Variants in NEGR1 observed in about 807,000 individuals in gnomAD.
NEGR1 encodes IgLON family member 4.
A neutral mutation model predicts 40.9 loss-of-function variants in NEGR1; 10 were observed. The ratio of observed to expected loss-of-function variants is 0.24; its 90% CI spans 0.15 to 0.42. The LOEUF (loss-of-function observed/expected upper bound fraction) is 0.42. Among genes scored for constraint, NEGR1 ranks in the 10% least tolerant of loss-of-function variants. The pLI is 1.00. For synonymous variants in NEGR1, 185 were observed against 166.8 expected (o/e 1.11, Z -0.84); for missense variants, 352 against 438.9 (o/e 0.80, Z 1.77).
At chr1:72,156,584 AC>A (rs1407196962) in intron 1 of NEGR1, among the ~76,000 whole-genome samples, 3 of 152,176 alleles carry the variant, frequency 2.0e-5, no homozygotes, top group African/African-American at 7.2e-5. Flanking sequence ...ATGCAAAGTT[AC>A]ATCTGTATTG....
chr1:71,398,823 A>T lies in NEGR1; in HGVS notation c.*8623T>A, dbSNP rs1646228343. ...TTGTGGGAGGGACTTGGTGGGAGGT[A>T]ATTGAATCATGGGAGCAGGTCTTTC... On this transcript the variant is annotated 3_prime_UTR_variant, in exon 7 of 7. Transcript: ENST00000357731. 6.6e-6 allele frequency: 1 copy of T among 152,112 alleles called. No individual in the cohort carries two copies. The highest frequency in any genetic ancestry group is 1.5e-5 in the Non-Finnish European group (1 of 68,026). The allele number at this position is 152,112 out of a possible 1,614,324, so 9.4% of individuals were successfully genotyped here. A position where few individuals can be genotyped will look rare whatever the true frequency, so the allele number is the denominator to read the frequency against.
intron 1 of NEGR1, among the ~76,000 whole-genome samples, chr1:72,241,837 A>T (rs1654754465): frequency 6.6e-6 from 1 of 151,774 alleles, no homozygotes; most frequent in South Asian, 2.1e-4. Context: ...TTTAGATTTT[A>T]TATTAATACT....
chr1:72,137,918 C>G (rs1460920039), intron 1 of NEGR1, among the ~76,000 whole-genome samples: 3 of 151,978 alleles, frequency 2.0e-5, no homozygotes, highest in Non-Finnish European at 4.4e-5. Flanking sequence ...CTTTAAAATA[C>G]TGACAGAAAA....
At chr1:72,266,909 A>G (rs1655665609) in intron 1 of NEGR1, among the ~76,000 whole-genome samples, 1 of 151,002 alleles carries the variant, frequency 6.6e-6, no homozygotes, top group African/African-American at 2.4e-5. Flanking sequence ...AAAAAGTCCT[A>G]TCTGAAATAA....
At chr1:71,511,787 C>G (rs1161208056) in intron 6 of NEGR1, among the ~76,000 whole-genome samples, 1 of 152,150 alleles carries the variant, frequency 6.6e-6, no homozygotes, top group Non-Finnish European at 1.5e-5. Context: ...TAAAGACACA[C>G]AAAGTCAATA....
intron 6 of NEGR1, among the ~76,000 whole-genome samples, chr1:71,416,191 G>T (rs1036976855): frequency 6.6e-6 from 1 of 152,118 alleles, no homozygotes; most frequent in African/African-American, 2.4e-5. Context: ...AAACATTTTT[G>T]CAAGTTGAAT....
intron 3 of NEGR1, among the ~76,000 whole-genome samples, chr1:71,769,266 A>G (rs1656235581): frequency 6.6e-6 from 1 of 152,098 alleles, no homozygotes; most frequent in Non-Finnish European, 1.5e-5. Context: ...AGCCTCATGT[A>G]TACTTGTCGA....
intron 4 of NEGR1, among the ~76,000 whole-genome samples, chr1:71,687,127 A>G (rs1289732824): frequency 1.3e-5 from 2 of 152,228 alleles, no homozygotes; most frequent in Admixed American, 6.5e-5. Flanking sequence ...TTAGGCTACG[A>G]TGTCTCATAT....
rs984415610 is a variant in NEGR1 at position 71,400,904 on chromosome 1, G to A, written c.*6542C>T. On this transcript the variant is annotated 3_prime_UTR_variant, in exon 7 of 7. Coordinates refer to ENST00000357731, the MANE Select transcript of NEGR1 (RefSeq NM_173808.3). ...AAAACTTAGCCAGGTGTGGTGGCAC[G>A]TGCCTATAATCCCAGCTACTGGGGA... is the stretch of plus-strand genomic sequence containing the variant. 5 of 152,258 alleles carry A rather than the reference G, an allele frequency of 3.3e-5. No homozygotes were observed. Among genetic ancestry groups the A allele is most frequent in the African/African-American group, 9.7e-5 (4 of 41,392 alleles). 9.4% of individuals were successfully genotyped at this position (152,258 alleles called of 1,614,324 possible).
intron 1 of NEGR1, among the ~76,000 whole-genome samples, chr1:72,196,759 C>T (rs1653013563): frequency 8.0e-6 from 1 of 125,742 alleles, no homozygotes; most frequent in South Asian, 2.5e-4. Context: ...AGAGAGACTC[C>T]ATTAAAAAAA....
intron 1 of NEGR1, among the ~76,000 whole-genome samples, chr1:72,254,220 T>G (rs367828995): frequency 6.6e-6 from 1 of 152,228 alleles, no homozygotes; most frequent in South Asian, 2.1e-4. Context: ...TTCGTAGGTG[T>G]ATTTATGGCT....
chr1:71,839,370 A>C (rs1659156757), intron 2 of NEGR1, among the ~76,000 whole-genome samples: 1 of 151,260 alleles, frequency 6.6e-6, no homozygotes, highest in African/African-American at 2.4e-5. Flanking sequence ...CATCCAGCTA[A>C]TTGTTGTATT....
intron 1 of NEGR1, among the ~76,000 whole-genome samples, chr1:72,204,118 CA>C (rs1455502792): frequency 1.3e-5 from 2 of 151,996 alleles, no homozygotes; most frequent in Non-Finnish European, 2.9e-5. Flanking sequence ...AATGTTTCAA[CA>C]AGAACCAAAA....
intron 6 of NEGR1, among the ~76,000 whole-genome samples, chr1:71,434,817 C>A (rs564851548): frequency 3.3e-5 from 5 of 152,136 alleles, no homozygotes; most frequent in Admixed American, 2.0e-4. Flanking sequence ...GGAGGCCGGG[C>A]GCGGTGGCTC....
intron 2 of NEGR1, among the ~76,000 whole-genome samples, chr1:71,778,619 C>A (rs1240948689): frequency 6.6e-6 from 1 of 152,008 alleles, no homozygotes; most frequent in Non-Finnish European, 1.5e-5. Flanking sequence ...GTGCTTTTTT[C>A]CTTTATATAG....
rs1388144731 is a variant in NEGR1 at position 72,149,854 on chromosome 1, C to A, written c.176+132465G>T. On this transcript the variant is annotated intron_variant, in intron 1 of 6. Coordinates refer to ENST00000357731, the MANE Select transcript of NEGR1 (RefSeq NM_173808.3). ...CGAGATGTTGCCATTGCACTCCAGCCTGGGCAACAAGAACAAAACTCTGTC... is the reference window on the plus strand; with the variant it reads ...CGAGATGTTGCCATTGCACTCCAGCATGGGCAACAAGAACAAAACTCTGTC... 4.8e-5 allele frequency among the ~76,000 whole-genome samples: 6 copies of A among 124,890 alleles called. No individual in the cohort carries two copies. In the East Asian group the frequency reaches 1.1e-3, roughly 23 times the overall value. The allele number at this position is 124,890 out of a possible 152,430, so 81.9% of individuals were successfully genotyped here.
chr1:72,107,085 G>A (rs1386494020), intron 1 of NEGR1, among the ~76,000 whole-genome samples: 3 of 151,640 alleles, frequency 2.0e-5, no homozygotes, highest in Non-Finnish European at 4.4e-5. Flanking sequence ...TATCTTTAGG[G>A]TGAGAAATAA....
At chr1:71,594,691 A>G (rs1649630914) in intron 5 of NEGR1, among the ~76,000 whole-genome samples, 1 of 152,186 alleles carries the variant, frequency 6.6e-6, no homozygotes, top group South Asian at 2.1e-4. Flanking sequence ...TAGCCTAGCA[A>G]CATTTATGCT....
chr1:72,268,713 T>A (rs562051474), intron 1 of NEGR1, among the ~76,000 whole-genome samples: 29 of 151,636 alleles, frequency 1.9e-4, no homozygotes, highest in African/African-American at 4.3e-4. Context: ...GTAAACATAT[T>A]CTATACAAAT....
Sources: gnomAD v4.1 joint callset for allele counts (sites outside exome capture counted in the v4.1 genomes callset) on GRCh38, gnomAD v4.1.1 for gene constraint, MANE v1.5 for transcripts, NCBI Gene and HGNC (gene_info 2026-07-23, HGNC 2026-07-21) for gene names.